RCOR3: variants seen among roughly 807,000 people sequenced by gnomAD.
RCOR3 encodes REST corepressor 3.
Under a neutral mutation model 64.1 loss-of-function variants are expected in RCOR3, and 13 were observed. That is an observed-to-expected ratio of 0.20 (90% CI 0.13 to 0.32). The LOEUF is 0.32. RCOR3 is among the 10% of genes least tolerant of loss of function. The pLI, the probability that RCOR3 is intolerant of heterozygous loss-of-function variation, is 1.00. For synonymous variants in RCOR3, 215 were observed against 239.0 expected (o/e 0.90, Z 0.93); for missense variants, 489 against 701.2 (o/e 0.70, Z 3.42).
At chr1:211,296,552 T>A (rs1699881739) in intron 9 of RCOR3, among the ~76,000 whole-genome samples, 1 of 152,128 alleles carries the variant, frequency 6.6e-6, no homozygotes, top group Non-Finnish European at 1.5e-5. Flanking sequence ...GAAATTTATG[T>A]GAGGGGCTAT....
chr1:211,289,040 G>A lies in RCOR3; in HGVS notation c.721-138G>A, dbSNP rs867811117. 3.5e-5 allele frequency: 23 copies of A among 655,558 alleles called. 1 individual carries two copies. The highest frequency in any genetic ancestry group is 3.9e-4 in the Middle Eastern group (1 of 2,574). 40.6% of individuals were successfully genotyped at this position (655,558 alleles called of 1,614,324 possible). ...GTTATGTGTGTGTGTGTATGGACTT[G>A]TACATAATATATAATTGGTTAGAAG... On this transcript the variant is annotated intron_variant, in intron 7 of 11. Coordinates refer to ENST00000419091, the MANE Select transcript of RCOR3 (RefSeq NM_001136223.3).
intron 10 of RCOR3, 40 bp downstream of exon 10, chr1:211,304,180 T>G: frequency 6.9e-7 from 1 of 1,449,686 alleles, no homozygotes; most frequent in Non-Finnish European, 9.3e-7. Flanking sequence ...TAATAATTAT[T>G]TAATTTGTCA....
chr1:211,292,336 C>A (rs550104584), intron 8 of RCOR3, among the ~76,000 whole-genome samples: 25 of 152,316 alleles, frequency 1.6e-4, no homozygotes, highest in Middle Eastern at 3.4e-3. Flanking sequence ...ATGCAAGATG[C>A]CTAACTTCCA....
Position 211,259,702 on chromosome 1 carries a change from G to A in RCOR3, c.142G>A (p.Gly48Ser), listed in dbSNP as rs1338178175. 15 of 1,524,916 alleles carry A rather than the reference G, an allele frequency of 9.8e-6. No homozygotes were observed. The highest frequency in any genetic ancestry group is 1.3e-5 in the Non-Finnish European group (15 of 1,135,244). The allele number at this position is 1,524,916 out of a possible 1,614,324, so 94.5% of individuals were successfully genotyped here. Residue 48 changes from glycine (G) to serine (S), a missense_variant, in exon 1 of 12, where the codon GGC becomes AGC. Physicochemically the swap from Gly to Ser is moderately conservative, Grantham distance 56. This residue lies in a region of RCOR3 where 87 missense variants were observed against 84.3 expected (regional missense o/e 1.03). Transcript: ENST00000419091. ...GCTGCACTACTCAGAGCCCGAGAGC[G>A]GCTGCAGCAGCGACGACGAGCACGG... is the stretch of plus-strand genomic sequence containing the variant. ...GGLHYSEPES[G>S]CSSDDEHDVG...
chr1:211,289,496 A>G, intron 8 of RCOR3, 100 bp downstream of exon 8: 2 of 921,560 alleles, frequency 2.2e-6, no homozygotes, highest in Non-Finnish European at 3.3e-6. Flanking sequence ...GATTTTTCTC[A>G]GCCATCCACT....
At chr1:211,260,009 T>TC (rs1693933049) in intron 1 of RCOR3, 99 bp from the exon 2 acceptor site, 1 of 1,417,180 alleles carries the variant, frequency 7.1e-7, no homozygotes, top group Non-Finnish European at 9.2e-7. Context: ...GCCGCTTCTT[T>TC]CCTCCATCTA....
At chr1:211,267,992 G>T in intron 2 of RCOR3, 2 of 281,206 alleles carry the variant, frequency 7.1e-6, no homozygotes, top group Non-Finnish European at 1.4e-5. Flanking sequence ...CTTTCTGTAA[G>T]GCAAGAATGA....
In RCOR3 at chr1:211,314,671, T is replaced by C. The variant is rs1466318912; in HGVS notation, c.*903T>C. 6.6e-6 allele frequency: 1 copy of C among 152,208 alleles called. No individual in the cohort carries two copies. The highest frequency in any genetic ancestry group is 1.5e-5 in the Non-Finnish European group (1 of 68,010). 9.4% of individuals were successfully genotyped at this position (152,208 alleles called of 1,614,324 possible). On this transcript the variant is annotated 3_prime_UTR_variant, in exon 12 of 12. Transcript: ENST00000419091. Reference sequence around the variant, plus strand: ...TACATCTGGGGACTTCAGAGAAGAATTATATTTTGTTAGTTAAGTAGACAC... The same window carrying C: ...TACATCTGGGGACTTCAGAGAAGAACTATATTTTGTTAGTTAAGTAGACAC...
At chr1:211,301,060 C>G (rs946540269) in intron 9 of RCOR3, among the ~76,000 whole-genome samples, 6 of 151,348 alleles carry the variant, frequency 4.0e-5, no homozygotes, top group Non-Finnish European at 7.4e-5. Flanking sequence ...CTGTCTCTGG[C>G]TACCTTTTTA....
intron 7 of RCOR3, among the ~76,000 whole-genome samples, chr1:211,283,867 C>T (rs1434833587): frequency 6.7e-6 from 1 of 150,148 alleles, no homozygotes; most frequent in African/African-American, 2.5e-5. Context: ...TTCTTAAAGA[C>T]TGAATATAAA....
At chr1:211,286,683 T>C (rs1252957230) in intron 7 of RCOR3, among the ~76,000 whole-genome samples, 1 of 152,228 alleles carries the variant, frequency 6.6e-6, no homozygotes, top group African/African-American at 2.4e-5. Context: ...AATCTAATAT[T>C]GATGTCTTTA....
At position 211,314,305 on chromosome 1, in the gene RCOR3, C is replaced by T. The variant is rs538564236; in HGVS notation, c.*537C>T. 2 of 151,972 alleles carry T rather than the reference C, an allele frequency of 1.3e-5. No individual in the cohort carries two copies. The highest frequency in any genetic ancestry group is 2.9e-5 in the Non-Finnish European group (2 of 67,994). The allele number at this position is 151,972 out of a possible 1,614,324, so 9.4% of individuals were successfully genotyped here. A position where few individuals can be genotyped will look rare whatever the true frequency, so the allele number is the denominator to read the frequency against. Reference sequence around the variant, plus strand: ...TTTATGCATATTTAAGAAATTATAGCTGCATATCCCTTCTTTCAAAAAATG... The same window carrying T: ...TTTATGCATATTTAAGAAATTATAGTTGCATATCCCTTCTTTCAAAAAATG... On this transcript the variant is annotated 3_prime_UTR_variant, in exon 12 of 12. Coordinates refer to ENST00000419091, the MANE Select transcript of RCOR3 (RefSeq NM_001136223.3).
intron 8 of RCOR3, among the ~76,000 whole-genome samples, chr1:211,294,586 C>CTTTTTTTTTTTTTTTTTTT (rs35962546): frequency 1.1e-5 from 1 of 88,030 alleles, no homozygotes; most frequent in Non-Finnish European, 2.2e-5. Flanking sequence ...TTCTTTCTTT[C>CTTTTTTTTTTTTTTTTTTT]TTTTTTTTTT....
intron 9 of RCOR3, among the ~76,000 whole-genome samples, chr1:211,298,059 T>G (rs1185815052): frequency 6.6e-6 from 1 of 152,168 alleles, no homozygotes; most frequent in Non-Finnish European, 1.5e-5. Context: ...ATTTATTGAT[T>G]AACTGTTTCA....
chr1:211,276,306 C>G lies in RCOR3; in HGVS notation c.404C>G (p.Ala135Gly). Residue 135 changes from alanine to glycine, a missense_variant, in exon 5 of 12, where the codon GCT becomes GGT. Ala to Gly is a moderately conservative substitution (Grantham distance 60). This residue lies in a region of RCOR3 where 402 missense variants were observed against 617.0 expected (regional missense o/e 0.65). Transcript: ENST00000419091. ...WHKHNIEKSL[A>G]DLPNFTPFPD... Reference sequence around the variant, plus strand: ...AAACATAACATTGAGAAGTCCCTTGCTGATCTCCCTAATTTCACTCCCTTT... The same window carrying G: ...AAACATAACATTGAGAAGTCCCTTGGTGATCTCCCTAATTTCACTCCCTTT... 1 of 1,613,998 alleles carries G rather than the reference C, an allele frequency of 6.2e-7. No individual in the cohort carries two copies.
intron 8 of RCOR3, 65 bp downstream of exon 8, chr1:211,289,461 C>T (rs1698973992): frequency 3.8e-6 from 5 of 1,311,344 alleles, no homozygotes; most frequent in Non-Finnish European, 5.3e-6. Flanking sequence ...TTACCTTTTA[C>T]CTAGGTTGAG....
intron 7 of RCOR3, among the ~76,000 whole-genome samples, chr1:211,287,824 G>GCCGA (rs1355562785): frequency 1.3e-5 from 2 of 152,200 alleles, no homozygotes; most frequent in East Asian, 3.9e-4. Context: ...ATTACAGTGA[G>GCCGA]CCGAGATCGT....
chr1:211,271,117 A>G (rs894594149), intron 2 of RCOR3, 115 bp from the exon 3 acceptor site: 9 of 758,200 alleles, frequency 1.2e-5, no homozygotes, highest in South Asian at 4.1e-5. Context: ...TCGGCCTCCC[A>G]AAGTACTGGG....
rs1449447668 is a variant in RCOR3, at chr1:211,274,211, G to T, written c.303G>T (p.Leu101Phe). 6.3e-7 allele frequency: 1 copy of T among 1,593,038 alleles called. No homozygotes were observed. Among genetic ancestry groups the T allele is most frequent in the Admixed American group, 1.7e-5 (1 of 59,684 alleles). ...TTATATAACATTATTTCATTGCAGTGGATGAATACATTGCAATTGCAAAGG... is the reference window on the plus strand; with the variant it reads ...TTATATAACATTATTTCATTGCAGTTGATGAATACATTGCAATTGCAAAGG... ...SPYHSIPDAK[L>F]DEYIAIAKEK... is the part of the protein sequence containing the mutation. Residue 101 changes from leucine to phenylalanine, a missense_variant and splice_region_variant, in exon 4 of 12, where the codon TTG becomes TTT. Coordinates refer to ENST00000419091, the MANE Select transcript of RCOR3 (RefSeq NM_001136223.3).
Sources: gnomAD v4.1 joint callset for allele counts (sites outside exome capture counted in the v4.1 genomes callset) on GRCh38, gnomAD v4.1.1 for gene constraint, gnomAD v4.1.1 regional missense constraint, MANE v1.5 for transcripts, NCBI Gene and HGNC (gene_info 2026-07-23, HGNC 2026-07-21) for gene names.